CYBB: variants seen among roughly 807,000 people sequenced by gnomAD.
CYBB encodes the protein cytochrome b-245 beta chain, also known as NADPH oxidase 2.
CYBB carries 5 observed loss-of-function variants against 46.5 expected under a neutral mutation model. That is an observed-to-expected ratio of 0.11 (90% CI 0.06 to 0.23). The LOEUF (loss-of-function observed/expected upper bound fraction) is 0.23. CYBB is among the 10% of genes least tolerant of loss of function. CYBB has a pLI of 1.00. For synonymous variants in CYBB, 183 were observed against 156.7 expected, an observed-to-expected ratio of 1.17 and a Z score of -1.26; for missense variants, 307 against 428.3, an observed-to-expected ratio of 0.72 and a Z score of 2.50.
At chrX:37,809,368 G>A (rs1191059920) in intron 11 of CYBB, among the ~76,000 whole-genome samples, 199 bp from the exon 12 acceptor site, 1 of 111,790 alleles carries the variant, frequency 8.9e-6, no homozygotes, top group African/African-American at 3.3e-5. Flanking sequence ...CGACATATGG[G>A]ATTATTTATA....
intron 7 of CYBB, among the ~76,000 whole-genome samples, 169 bp downstream of exon 7, chrX:37,799,253 G>A (rs1385842284): frequency 1.8e-5 from 2 of 112,039 alleles, no homozygotes; most frequent in Non-Finnish European, 3.8e-5. Context: ...GGATAGAATT[G>A]TTTCTTGAAA....
intron 6 of CYBB, chrX:37,798,427 C>A (rs782133281): frequency 2.4e-5 from 3 of 124,046 alleles, no homozygotes; most frequent in Non-Finnish European, 5.0e-5. Flanking sequence ...TCCAAACCCA[C>A]AAATAAGGCA....
Position 37,792,067 on chromosome X carries a change from T to A in CYBB, c.337+8T>A, listed in dbSNP as rs2146809339. On this transcript the variant is annotated splice_region_variant and intron_variant, in intron 4 of 12. Coordinates refer to ENST00000378588, the MANE Select transcript of CYBB (RefSeq NM_000397.4). ...TGATTGCACTTCACTCTGGTAAGTTTATTAAAGAAAACTTGGAACCAGGGA... is the reference window on the plus strand; with the variant it reads ...TGATTGCACTTCACTCTGGTAAGTTAATTAAAGAAAACTTGGAACCAGGGA... 8.6e-7 allele frequency: 1 copy of A among 1,157,001 alleles called. No homozygotes were observed. Among genetic ancestry groups the A allele is most frequent in the Non-Finnish European group, 1.2e-6 (1 of 845,917 alleles).
chrX:37,785,205 T>C (rs1556465241), intron 3 of CYBB, among the ~76,000 whole-genome samples: 1 of 90,700 alleles, frequency 1.1e-5, no homozygotes, highest in Non-Finnish European at 2.0e-5. Context: ...CACCTTCGCT[T>C]CCTCAGAAAA....
At chrX:37,803,750 C>T (rs188199559) in intron 8 of CYBB, 127 bp from the exon 9 acceptor site, 3 of 652,004 alleles carry the variant, frequency 4.6e-6, no homozygotes, top group Admixed American at 2.6e-5. Flanking sequence ...GCTGGAGGAA[C>T]TCCTGTGTTG....
intron 3 of CYBB, among the ~76,000 whole-genome samples, chrX:37,787,312 A>G (rs915090807): frequency 8.9e-6 from 1 of 112,448 alleles, no homozygotes; most frequent in Admixed American, 9.4e-5. Flanking sequence ...AAATATCTAA[A>G]TCAGATACAT....
chrX:37,783,386 G>A, intron 2 of CYBB, 104 bp from the exon 3 acceptor site: 1 of 550,759 alleles, frequency 1.8e-6, no homozygotes, highest in Non-Finnish European at 3.2e-6. Context: ...AGATCACTTG[G>A]TGTCTCTGGT....
intron 8 of CYBB, among the ~76,000 whole-genome samples, chrX:37,801,689 G>A (rs35316892): frequency 0.016 from 1,711 of 107,074 alleles, 15 homozygotes; most frequent in Middle Eastern, 0.037. Flanking sequence ...TATTTGGTTA[G>A]TTAAGAGCAG....
intron 10 of CYBB, 78 bp from the exon 11 acceptor site, chrX:37,806,309 C>T: frequency 9.4e-7 from 1 of 1,066,120 alleles, no homozygotes; most frequent in South Asian, 1.9e-5. Context: ...GTTTAGGTGA[C>T]AGAAAGTGGA....
intron 7 of CYBB, 24 bp from the exon 8 acceptor site, chrX:37,801,232 T>C: frequency 9.1e-7 from 1 of 1,101,495 alleles, no homozygotes; most frequent in Admixed American, 2.2e-5. Context: ...ATGTATCTCA[T>C]TTTCATTTTT....
intron 3 of CYBB, among the ~76,000 whole-genome samples, chrX:37,790,419 A>G (rs1929173368): frequency 8.9e-6 from 1 of 112,255 alleles, no homozygotes; most frequent in Non-Finnish European, 1.9e-5. Context: ...CTTGGATCCC[A>G]GCCAATGTGC....
At chrX:37,792,164 G>T in intron 4 of CYBB, 105 bp downstream of exon 4, 2 of 538,505 alleles carry the variant, frequency 3.7e-6, no homozygotes, top group South Asian at 2.6e-5. Flanking sequence ...AGTGGTGGTT[G>T]GATATGTTGT....
chrX:37,791,950 C>G, intron 3 of CYBB, 25 bp from the exon 4 acceptor site: 3 of 1,114,171 alleles, frequency 2.7e-6, no homozygotes, highest in Non-Finnish European at 3.7e-6. Context: ...AATTACTATT[C>G]CATTCTTTCC....
At position 37,801,242 on chromosome X, in the gene CYBB, T is replaced by C; in HGVS notation, c.805-14T>C. 1.7e-6 allele frequency: 2 copies of C among 1,145,081 alleles called. No individual in the cohort carries two copies. Among genetic ancestry groups the C allele is most frequent in the Non-Finnish European group, 2.4e-6 (2 of 834,759 alleles). The allele number at this position is 1,145,081 out of a possible 1,213,427, so 94.4% of individuals were successfully genotyped here. On this transcript the variant is annotated splice_polypyrimidine_tract_variant and intron_variant, in intron 7 of 12. Coordinates refer to ENST00000378588, the MANE Select transcript of CYBB (RefSeq NM_000397.4). Reference sequence around the variant, plus strand: ...ACTTAATGTATCTCATTTTCATTTTTGCTCTGATTACAGACTTGGAAATGG... The same window carrying C: ...ACTTAATGTATCTCATTTTCATTTTCGCTCTGATTACAGACTTGGAAATGG...
At chrX:37,797,452 G>C (rs1017950599) in intron 6 of CYBB, among the ~76,000 whole-genome samples, 1 of 111,625 alleles carries the variant, frequency 9.0e-6, no homozygotes, top group Non-Finnish European at 1.9e-5. Context: ...TTCTCCACTT[G>C]AAGAGAATCT....
chrX:37,811,038 T>C lies in CYBB; in HGVS notation c.*121T>C. The C allele has an allele frequency of 1.4e-6, 1 of 696,818 alleles. No homozygotes were observed. Among genetic ancestry groups the C allele is most frequent in the Non-Finnish European group, 2.1e-6 (1 of 465,951 alleles). The allele number at this position is 696,818 out of a possible 1,213,427, so 57.4% of individuals were successfully genotyped here. A position where few individuals can be genotyped will look rare whatever the true frequency, so the allele number is the denominator to read the frequency against. On this transcript the variant is annotated 3_prime_UTR_variant, in exon 13 of 13. Coordinates refer to ENST00000378588, the MANE Select transcript of CYBB (RefSeq NM_000397.4). ...CAAAAAGAAACTATAATGTAATGGT[T>C]TTCCCTTAAAGGAATGTCAAAGATT...
At chrX:37,801,779 G>A (rs782204448) in intron 8 of CYBB, among the ~76,000 whole-genome samples, 1 of 110,446 alleles carries the variant, frequency 9.1e-6, no homozygotes, top group Admixed American at 9.7e-5. Context: ...GAGATCTAAG[G>A]GTAGGTCTCA....
intron 1 of CYBB, among the ~76,000 whole-genome samples, chrX:37,781,664 G>A (rs1394694585): frequency 1.8e-5 from 2 of 111,678 alleles, no homozygotes; most frequent in East Asian, 5.6e-4. Context: ...GTGTGGTAGA[G>A]GGAGGTGATT....
At chrX:37,798,654 G>A (rs781849813) in intron 6 of CYBB, among the ~76,000 whole-genome samples, 1 of 112,224 alleles carries the variant, frequency 8.9e-6, no homozygotes, top group South Asian at 3.7e-4. Context: ...TTGTTTGTTT[G>A]TAAATGAAAA....
Sources: gnomAD v4.1 joint callset for allele counts (sites outside exome capture counted in the v4.1 genomes callset) on GRCh38, gnomAD v4.1.1 for gene constraint, MANE v1.5 for transcripts, NCBI Gene and HGNC (gene_info 2026-07-23, HGNC 2026-07-21) for gene names.